Variants in FOXP1 observed in about 807,000 individuals in gnomAD.
The protein encoded by FOXP1 is forkhead box protein P1.
Under a neutral mutation model 98.2 loss-of-function variants are expected in FOXP1, and 15 were observed. The ratio of observed to expected loss-of-function variants is 0.15; its 90% CI spans 0.10 to 0.24. FOXP1 has a LOEUF of 0.24. Ranked by LOEUF, FOXP1 falls within the 10% of genes least tolerant of loss-of-function variation. FOXP1 has a pLI of 1.00. For missense variants in FOXP1, 633 were observed against 848.5 expected (o/e 0.75, Z 3.15); for synonymous variants, 371 against 314.5 (o/e 1.18, Z -1.90).
chr3:71,265,272 A>G (rs1384775273), intron 5 of FOXP1, among the ~76,000 whole-genome samples: 1 of 152,202 alleles, frequency 6.6e-6, no homozygotes, highest in Non-Finnish European at 1.5e-5. Flanking sequence ...ACCTCCCACA[A>G]CTGACTTGAA....
At chr3:71,572,542 A>G (rs751532200) in intron 2 of FOXP1, 1 of 152,256 alleles carries the variant, frequency 6.6e-6, no homozygotes, top group Non-Finnish European at 1.5e-5. Context: ...ACTAAAAAAC[A>G]TATATAGTAG....
In FOXP1 at chr3:71,306,564, CAT is replaced by C. The variant is rs200872860; in HGVS notation, c.-72-6686_-72-6685del. Among the ~76,000 whole-genome samples the C allele has an allele frequency of 4.5e-4, 57 of 126,914 alleles. No homozygotes were observed. In the East Asian group the frequency reaches 9.5e-3, roughly 21 times the overall value. 83.3% of individuals were successfully genotyped at this position (126,914 alleles called of 152,430 possible). On this transcript the variant is annotated intron_variant, in intron 4 of 20. Transcript: ENST00000649528. Reference sequence around the variant, plus strand: ...GTACATATAAAAATATATACACACACATATATATATGTGCATATATACTCACA... The same window carrying C: ...GTACATATAAAAATATATACACACACATATATATGTGCATATATACTCACA...
intron 11 of FOXP1, among the ~76,000 whole-genome samples, chr3:71,023,089 C>G (rs960810393): frequency 5.9e-5 from 9 of 152,156 alleles, no homozygotes; most frequent in African/African-American, 2.2e-4. Context: ...TCCCTTCCCC[C>G]ACTGGCCACC....
chr3:71,257,101 A>G (rs910300954), intron 5 of FOXP1, among the ~76,000 whole-genome samples: 1 of 152,212 alleles, frequency 6.6e-6, no homozygotes, highest in African/African-American at 2.4e-5. Context: ...GAGGAAGCTG[A>G]GTTTATTGAA....
intron 10 of FOXP1, among the ~76,000 whole-genome samples, chr3:71,041,740 C>T (rs1010902336): frequency 2.4e-4 from 36 of 152,122 alleles, no homozygotes; most frequent in African/African-American, 6.7e-4. Flanking sequence ...TTGCCCTCAT[C>T]GCACATAAAA....
intron 2 of FOXP1, among the ~76,000 whole-genome samples, chr3:71,574,933 T>C (rs1261095036): frequency 2.0e-5 from 3 of 152,236 alleles, no homozygotes; most frequent in Non-Finnish European, 4.4e-5. Flanking sequence ...AGCTCCGTTT[T>C]CTTCTCTTAG....
chr3:71,371,075 G>A (rs551581158), intron 3 of FOXP1, among the ~76,000 whole-genome samples: 22 of 152,026 alleles, frequency 1.4e-4, no homozygotes, highest in African/African-American at 4.8e-4. Flanking sequence ...GAACCACTGC[G>A]CCTGGCCCCC....
chr3:71,205,320 A>G (rs914072036), intron 5 of FOXP1, among the ~76,000 whole-genome samples: 3 of 152,218 alleles, frequency 2.0e-5, no homozygotes, highest in African/African-American at 7.2e-5. Flanking sequence ...TCCATCATAA[A>G]TATCAGAAGG....
chr3:71,136,829 A>AG (rs398106009), intron 6 of FOXP1, among the ~76,000 whole-genome samples: 1 of 151,764 alleles, frequency 6.6e-6, no homozygotes, highest in African/African-American at 2.4e-5. Context: ...CAAAAAAAAA[A>AG]GATTACTGGT....
At chr3:71,112,857 C>T (rs886646104) in intron 6 of FOXP1, among the ~76,000 whole-genome samples, 7 of 152,156 alleles carry the variant, frequency 4.6e-5, no homozygotes, top group African/African-American at 1.4e-4. Context: ...CACGGTTCCA[C>T]AGGCATCTAA....
intron 7 of FOXP1, among the ~76,000 whole-genome samples, chr3:71,059,974 T>C (rs1045486606): frequency 6.6e-6 from 1 of 152,162 alleles, no homozygotes; most frequent in Non-Finnish European, 1.5e-5. Context: ...CAGTTTTAGA[T>C]CAACAGTTAC....
chr3:71,477,054 G>A (rs17108), intron 3 of FOXP1, among the ~76,000 whole-genome samples: 54,323 of 151,942 alleles, frequency 0.36, 10,165 homozygotes, highest in Non-Finnish European at 0.38. Context: ...GGGCCTTTAT[G>A]TATCACCAGA....
At chr3:71,387,710 A>G (rs1342389515) in intron 3 of FOXP1, among the ~76,000 whole-genome samples, 1 of 152,262 alleles carries the variant, frequency 6.6e-6, no homozygotes, top group Non-Finnish European at 1.5e-5. Flanking sequence ...TATAAACTCA[A>G]TAACCACACC....
At chr3:71,301,120 T>C (rs1193345231) in intron 4 of FOXP1, among the ~76,000 whole-genome samples, 3 of 152,146 alleles carry the variant, frequency 2.0e-5, no homozygotes, top group African/African-American at 7.2e-5. Context: ...AAGAGGAAAT[T>C]GGAGGTTTTC....
At position 71,112,689 on chromosome 3, in the gene FOXP1, C is replaced by G. The variant is rs574633896; in HGVS notation, c.181-52G>C. On this transcript the variant is annotated intron_variant, in intron 6 of 20. Coordinates refer to ENST00000649528, the MANE Select transcript of FOXP1 (RefSeq NM_001349338.3). ...TGCGTTACTACACAGGTTCAGGGGA[C>G]TCTTCATAAAAAAGGATTCCAGGAA... is the stretch of plus-strand genomic sequence containing the variant. 2.9e-6 allele frequency: 4 copies of G among 1,368,302 alleles called. No homozygotes were observed. In the African/African-American group the frequency reaches 5.7e-5, roughly 20 times the overall value. 84.8% of individuals were successfully genotyped at this position (1,368,302 alleles called of 1,614,324 possible). A position where few individuals can be genotyped will look rare whatever the true frequency, so the allele number is the denominator to read the frequency against.
chr3:71,419,915 A>G (rs1321257221), intron 3 of FOXP1, among the ~76,000 whole-genome samples: 1 of 151,884 alleles, frequency 6.6e-6, no homozygotes, highest in East Asian at 1.9e-4. Flanking sequence ...CCCAGGTTCA[A>G]GTGATTCTCG....
chr3:71,058,111 C>CA (rs1470101302), intron 7 of FOXP1, among the ~76,000 whole-genome samples: 1 of 151,966 alleles, frequency 6.6e-6, no homozygotes, highest in Non-Finnish European at 1.5e-5. Flanking sequence ...TAAAAACACT[C>CA]AGAGAAACAA....
At chr3:70,962,431 C>A (rs2106930101) in intron 20 of FOXP1, among the ~76,000 whole-genome samples, 1 of 152,244 alleles carries the variant, frequency 6.6e-6, no homozygotes, top group East Asian at 1.9e-4. Context: ...ATATTAACTT[C>A]CAAAGGGGCT....
rs561642262 is a variant in FOXP1 at position 71,331,427 on chromosome 3, G to A, written c.-73+27723C>T. 4.6e-3 allele frequency among the ~76,000 whole-genome samples: 597 copies of A among 130,136 alleles called. 2 individuals carry two copies. The highest frequency in any genetic ancestry group is 6.0e-3 in the Non-Finnish European group (375 of 62,714). 85.4% of individuals were successfully genotyped at this position (130,136 alleles called of 152,430 possible). A position where few individuals can be genotyped will look rare whatever the true frequency, so the allele number is the denominator to read the frequency against. On this transcript the variant is annotated intron_variant, in intron 4 of 20. Transcript: ENST00000649528. ...AGCCCAAGCCTCCCCGACAAGCGCC[G>A]CTCCCTGCTCCACGGCACCCAGTCC...
Sources: gnomAD v4.1 joint callset for allele counts (sites outside exome capture counted in the v4.1 genomes callset) on GRCh38, gnomAD v4.1.1 for gene constraint, MANE v1.5 for transcripts, NCBI Gene and HGNC (gene_info 2026-07-23, HGNC 2026-07-21) for gene names.